The following TENM3 variants were observed in gnomAD, a reference collection of about 807,000 sequenced individuals.
TENM3 encodes teneurin transmembrane protein 3, also known as teneurin-3.
Under a neutral mutation model 255.1 loss-of-function variants are expected in TENM3, and 63 were observed. That is an observed-to-expected ratio of 0.25 (90% confidence interval 0.20 to 0.30). The LOEUF is 0.30. Among genes scored for constraint, TENM3 ranks in the 10% least tolerant of loss-of-function variants. The pLI, the probability that TENM3 is intolerant of heterozygous loss-of-function variation, is 1.00. For missense variants in TENM3, 2,929 were observed against 3,461.1 expected, an observed-to-expected ratio of 0.85 and a Z score of 3.86; for synonymous variants, 1,306 against 1,322.3, an observed-to-expected ratio of 0.99 and a Z score of 0.27.
chr4:182,679,984 G>C, intron 8 of TENM3, 108 bp downstream of exon 8: 2 of 968,138 alleles, frequency 2.1e-6, no homozygotes, highest in Non-Finnish European at 3.1e-6. Flanking sequence ...GGGTGTTAAA[G>C]CCCAGGTAAA....
intron 3 of TENM3, among the ~76,000 whole-genome samples, chr4:182,440,830 T>G (rs1181697101): frequency 6.6e-6 from 1 of 152,110 alleles, no homozygotes; most frequent in South Asian, 2.1e-4. Context: ...GGTTTTTTTT[T>G]TTTTCGACTT....
chr4:182,159,447 AGTGTGTGT>A (rs67981646), intron 1 of TENM3, among the ~76,000 whole-genome samples: 17,994 of 130,592 alleles, frequency 0.14, 1,208 homozygotes, highest in East Asian at 0.26. Context: ...AGTGTGTATG[AGTGTGTGT>A]GTGTGTGTGT....
At chr4:181,486,177 G>A in the TENM3 span, among the ~76,000 whole-genome samples, 8 of 152,036 alleles carry the variant, frequency 5.3e-5, no homozygotes, top group Admixed American at 5.2e-4. Context: ...ACACACCTCA[G>A]CAGGAAAGCA....
At chr4:181,459,341 A>G in the TENM3 span, among the ~76,000 whole-genome samples, 4 of 151,904 alleles carry the variant, frequency 2.6e-5, no homozygotes, top group African/African-American at 9.7e-5. Context: ...TCTTTTGAAG[A>G]GCACAAGTTC....
chr4:181,963,315 G>A, the TENM3 span, among the ~76,000 whole-genome samples: 3 of 152,090 alleles, frequency 2.0e-5, no homozygotes, highest in East Asian at 5.8e-4. Context: ...GCTTCCAATT[G>A]CATATTTTTG....
At chr4:182,407,204 A>G (rs1769641977) in intron 3 of TENM3, among the ~76,000 whole-genome samples, 2 of 152,220 alleles carry the variant, frequency 1.3e-5, no homozygotes, top group African/African-American at 4.8e-5. Context: ...ACCTCTTCAC[A>G]TAAAATAAAA....
chr4:181,889,528 A>G, the TENM3 span, among the ~76,000 whole-genome samples: 3 of 152,146 alleles, frequency 2.0e-5, no homozygotes, highest in Admixed American at 2.0e-4. Context: ...ATGCTTTTTG[A>G]GGCTGTTTTT....
upstream of TENM3, chr4:182,143,799 C>T (rs1428594104): frequency 6.6e-6 from 1 of 152,516 alleles, no homozygotes; most frequent in Admixed American, 6.5e-5. This position sits in a 1 kb window ranked among gnomAD's most constrained non-coding sequence, Gnocchi z 4.3. Flanking sequence ...AGCCGAAAGC[C>T]GGCAAGAGCC....
chr4:182,518,898 C>A (rs534537391), intron 3 of TENM3, among the ~76,000 whole-genome samples: 1 of 152,082 alleles, frequency 6.6e-6, no homozygotes, highest in Non-Finnish European at 1.5e-5. Context: ...TTAAGGAAAA[C>A]AACTAATAAT....
In TENM3 at chr4:182,763,173, A is replaced by ACTT. The variant is rs1763353586; in HGVS notation, c.4892+7915_4892+7917dup. ...CTGTATAAAAAGCAAAGGCTGAAAA[A>ACTT]CTTATAGTGTATTTTAAAGTAGTTA... On this transcript the variant is annotated intron_variant, in intron 22 of 27. Transcript: ENST00000511685. 3.3e-5 allele frequency among the ~76,000 whole-genome samples: 5 copies of ACTT among 152,232 alleles called. No individual in the cohort carries two copies. In the South Asian group the frequency reaches 1.0e-3, roughly 31 times the overall value.
At chr4:182,197,542 C>T (rs973300781) in intron 1 of TENM3, among the ~76,000 whole-genome samples, 19 of 151,916 alleles carry the variant, frequency 1.3e-4, no homozygotes, top group African/African-American at 4.1e-4. Flanking sequence ...ATTATCCCAC[C>T]GTGGTATTGC....
the TENM3 span, among the ~76,000 whole-genome samples, chr4:181,649,660 A>G: frequency 6.6e-6 from 1 of 152,208 alleles, no homozygotes; most frequent in Non-Finnish European, 1.5e-5. Context: ...AAGACCTAAG[A>G]GAATCCGTGA....
rs1178935498 is a variant in TENM3 at position 182,801,825 on chromosome 4, T to A, written c.*1474T>A. The A allele has an allele frequency of 6.6e-6, 1 of 152,374 alleles. No individual in the cohort carries two copies. Among genetic ancestry groups the A allele is most frequent in the South Asian group, 2.1e-4 (1 of 4,830 alleles). 9.4% of individuals were successfully genotyped at this position (152,374 alleles called of 1,614,324 possible). ...AAGTGAACTGACAGCCGCGCCCTCC[T>A]GCACACATGCATGCACGCGTGTGGG... On this transcript the variant is annotated 3_prime_UTR_variant, in exon 28 of 28. Transcript: ENST00000511685.
chr4:181,943,716 C>T, the TENM3 span, among the ~76,000 whole-genome samples: 1 of 152,106 alleles, frequency 6.6e-6, no homozygotes, highest in Non-Finnish European at 1.5e-5. Flanking sequence ...AGCAATTGAA[C>T]ACATATGCAA....
At chr4:182,052,828 A>T in the TENM3 span, among the ~76,000 whole-genome samples, 1 of 152,110 alleles carries the variant, frequency 6.6e-6, no homozygotes, top group Admixed American at 6.5e-5. Context: ...CTCCACATAA[A>T]TATTTTTATA....
chr4:181,667,536 C>T, the TENM3 span, among the ~76,000 whole-genome samples: 1 of 152,130 alleles, frequency 6.6e-6, no homozygotes, highest in Non-Finnish European at 1.5e-5. Flanking sequence ...TGGATTAATG[C>T]TGTGATCTCA....
At chr4:181,926,274 G>A in the TENM3 span, among the ~76,000 whole-genome samples, 4 of 152,122 alleles carry the variant, frequency 2.6e-5, no homozygotes, top group Non-Finnish European at 4.4e-5. Context: ...CTGAATTCAC[G>A]AGAATTCATT....
the TENM3 span, among the ~76,000 whole-genome samples, chr4:181,900,281 A>T: frequency 1.3e-5 from 2 of 152,226 alleles, no homozygotes; most frequent in African/African-American, 4.8e-5. Context: ...TTCCATTAAG[A>T]GTTTTAATTA....
chr4:181,511,964 C>T, the TENM3 span, among the ~76,000 whole-genome samples: 4 of 152,090 alleles, frequency 2.6e-5, no homozygotes, highest in African/African-American at 9.7e-5. Context: ...TGCCCAGCAT[C>T]ACTCCCAGCT....
Sources: allele counts gnomAD v4.1 joint callset (sites outside exome capture counted in the v4.1 genomes callset), GRCh38; gene constraint gnomAD v4.1.1; non-coding constraint Gnocchi (gnomAD v3.1); transcripts MANE v1.5; gene names NCBI Gene and HGNC (gene_info 2026-07-23, HGNC 2026-07-21).